PAK3: variants seen among roughly 807,000 people sequenced by gnomAD.
PAK3 encodes serine/threonine-protein kinase PAK 3.
Under a neutral mutation model 41.0 loss-of-function variants are expected in PAK3, and 4 were observed. The ratio of observed to expected loss-of-function variants is 0.10; its 90% CI spans 0.05 to 0.22. PAK3 has a LOEUF of 0.22. Ranked by LOEUF, PAK3 falls within the 10% of genes least tolerant of loss-of-function variation. The pLI is 1.00. For synonymous variants in PAK3, 146 were observed against 139.6 expected (o/e 1.05, Z -0.32); for missense variants, 205 against 409.9 (o/e 0.50, Z 4.32).
At chrX:110,953,664 A>G (rs2090791289) in intron 1 of PAK3, among the ~76,000 whole-genome samples, 1 of 111,526 alleles carries the variant, frequency 9.0e-6, no homozygotes, top group Non-Finnish European at 1.9e-5. Flanking sequence ...CATTTTCAAA[A>G]GTGGGGAAGT....
intron 8 of PAK3, chrX:111,152,789 T>G (rs2094048814): frequency 6.6e-6 from 1 of 150,466 alleles, no homozygotes; most frequent in Admixed American, 7.6e-5. Context: ...TCTGGACATT[T>G]CATGTAAATG....
At chrX:111,091,542 G>T (rs943539326), upstream of PAK3, among the ~76,000 whole-genome samples, 2 of 111,669 alleles carry the variant, frequency 1.8e-5, no homozygotes, top group African/African-American at 6.5e-5. Context: ...GAAAGAACTC[G>T]AAGACCCAAG....
chrX:111,160,637 C>A (rs1226910791), intron 8 of PAK3, among the ~76,000 whole-genome samples: 5 of 107,798 alleles, frequency 4.6e-5, no homozygotes, highest in Admixed American at 9.8e-5. Flanking sequence ...CCACAACAGT[C>A]CCCGGTGTGT....
chrX:111,028,201 G>T (rs1343998780), intron 1 of PAK3, among the ~76,000 whole-genome samples: 7 of 107,694 alleles, frequency 6.5e-5, no homozygotes, highest in Admixed American at 5.1e-4. Flanking sequence ...ACTAAGCTAT[G>T]AGGACACAAA....
Position 111,164,683 on chromosome X carries a change from G to A in PAK3, c.766+956G>A, listed in dbSNP as rs3795191. Among the ~76,000 whole-genome samples, 8 of 111,741 alleles carry A rather than the reference G, an allele frequency of 7.2e-5. No individual in the cohort carries two copies. The East Asian group carries it at 2.3e-3, about 31-fold the overall frequency. ...AAGGCATACAGCAAATGCTTGTTGAGTGAGTGAATGAAAAAAATAAGTAAA... is the reference window on the plus strand; with the variant it reads ...AAGGCATACAGCAAATGCTTGTTGAATGAGTGAATGAAAAAAATAAGTAAA... On this transcript the variant is annotated intron_variant, in intron 10 of 17. Coordinates refer to ENST00000372007, the MANE Select transcript of PAK3 (RefSeq NM_002578.5).
intron 1 of PAK3, among the ~76,000 whole-genome samples, chrX:111,015,776 C>T (rs1187687922): frequency 8.9e-6 from 1 of 111,836 alleles, no homozygotes; most frequent in African/African-American, 3.2e-5. Context: ...CAAATCCTTC[C>T]ACCATTTTTA....
intron 1 of PAK3, chrX:111,096,869 T>TACACACACACACACACACACACAC (rs771301130): frequency 1.4e-5 from 1 of 72,208 alleles, no homozygotes; most frequent in Non-Finnish European, 2.6e-5. Flanking sequence ...CCCCGCCCCT[T>TACACACACACACACACACACACAC]ACACACACAC....
At chrX:111,110,727 G>A (rs2093355955) in intron 4 of PAK3, among the ~76,000 whole-genome samples, 1 of 111,520 alleles carries the variant, frequency 9.0e-6, no homozygotes, top group Non-Finnish European at 1.9e-5. Context: ...TTCAGAGTCT[G>A]GGAATTCTTA....
At chrX:110,949,332 A>G (rs2090691857) in intron 1 of PAK3, among the ~76,000 whole-genome samples, 1 of 111,574 alleles carries the variant, frequency 9.0e-6, no homozygotes, top group Non-Finnish European at 1.9e-5. Context: ...CCAAGCACCC[A>G]GTTGGTAACC....
intron 5 of PAK3, among the ~76,000 whole-genome samples, chrX:111,129,243 G>T (rs1359224058): frequency 9.0e-6 from 1 of 111,443 alleles, no homozygotes; most frequent in African/African-American, 3.3e-5. Context: ...GAGACCCTTT[G>T]GATCTTGCAG....
intron 16 of PAK3, among the ~76,000 whole-genome samples, chrX:111,197,250 A>C (rs1259845822): frequency 8.9e-6 from 1 of 112,290 alleles, no homozygotes; most frequent in East Asian, 2.8e-4. Flanking sequence ...TGTAAAGGAC[A>C]TGATTTCATT....
intron 1 of PAK3, among the ~76,000 whole-genome samples, chrX:111,016,858 C>G (rs764023218): frequency 9.1e-6 from 1 of 110,204 alleles, no homozygotes; most frequent in Non-Finnish European, 1.9e-5. Context: ...ATTAAAGCAC[C>G]TGCCCTAGGA....
chrX:111,011,256 C>T (rs1453753519), intron 1 of PAK3, among the ~76,000 whole-genome samples: 4 of 111,431 alleles, frequency 3.6e-5, no homozygotes, highest in African/African-American at 1.3e-4. Flanking sequence ...GAAATGAAGG[C>T]ATGATTTTGA....
intron 1 of PAK3, among the ~76,000 whole-genome samples, chrX:110,986,460 T>C (rs2091546175): frequency 9.0e-6 from 1 of 111,651 alleles, no homozygotes; most frequent in South Asian, 3.8e-4. Context: ...ATTGTTAAGA[T>C]GTTATCATGC....
intron 1 of PAK3, among the ~76,000 whole-genome samples, chrX:111,063,820 G>GAA: frequency 1.1e-5 from 1 of 89,199 alleles, no homozygotes; most frequent in African/African-American, 4.2e-5. Context: ...AGACTGTCTC[G>GAA]AAAAAAAAAA....
chrX:110,958,895 A>G (rs1444312312), intron 1 of PAK3, among the ~76,000 whole-genome samples: 1 of 111,816 alleles, frequency 8.9e-6, no homozygotes, highest in Non-Finnish European at 1.9e-5. Flanking sequence ...TTCTCTTTCA[A>G]CCTTACTCTT....
intron 1 of PAK3, among the ~76,000 whole-genome samples, chrX:110,988,546 T>C (rs747705483): frequency 2.7e-4 from 30 of 112,336 alleles, no homozygotes; most frequent in African/African-American, 9.4e-4. Flanking sequence ...TTACCCTCAC[T>C]GTAGATACCT....
At chrX:111,023,224 T>C (rs1474016553) in intron 1 of PAK3, among the ~76,000 whole-genome samples, 10 of 111,865 alleles carry the variant, frequency 8.9e-5, no homozygotes, top group Admixed American at 8.5e-4. Context: ...CATGAACTCA[T>C]CCTTTTTTAT....
At chrX:111,173,615 C>G (rs1014334374) in intron 11 of PAK3, among the ~76,000 whole-genome samples, 1 of 111,315 alleles carries the variant, frequency 9.0e-6, no homozygotes, top group Admixed American at 9.6e-5. Flanking sequence ...ACTTAATATA[C>G]TTGTTAAAGA....
Sources: gnomAD v4.1 joint callset for allele counts (sites outside exome capture counted in the v4.1 genomes callset) on GRCh38, gnomAD v4.1.1 for gene constraint, MANE v1.5 for transcripts, NCBI Gene and HGNC (gene_info 2026-07-23, HGNC 2026-07-21) for gene names.